NLGN3: variants seen among roughly 807,000 people sequenced by gnomAD.
NLGN3 encodes the protein neuroligin-3.
In NLGN3, 11 loss-of-function variants were observed where a neutral mutation model predicts 42.9. That is an observed-to-expected ratio of 0.26 (90% CI 0.16 to 0.42). The LOEUF is 0.42. Among genes scored for constraint, NLGN3 ranks in the 10% least tolerant of loss-of-function variants. The probability of loss-of-function intolerance (pLI) is 1.00; values close to 1 mark genes in which losing one functional copy is unlikely to be tolerated. For missense variants in NLGN3, 374 were observed against 733.8 expected (o/e 0.51, Z 5.67); for synonymous variants, 279 against 312.7 (o/e 0.89, Z 1.14).
chrX:71,166,713 T>G (rs1358633910), intron 6 of NLGN3, among the ~76,000 whole-genome samples: 1 of 111,349 alleles, frequency 9.0e-6, no homozygotes. Context: ...CAAGGAGAGA[T>G]AAAGAGAGGC....
At chrX:71,151,716 C>T (rs1387346770) in intron 3 of NLGN3, among the ~76,000 whole-genome samples, 1 of 112,243 alleles carries the variant, frequency 8.9e-6, no homozygotes, top group Non-Finnish European at 1.9e-5. Context: ...GAGGGATTCA[C>T]AAGGGACTTA....
intron 5 of NLGN3, among the ~76,000 whole-genome samples, chrX:71,161,701 G>A (rs962133066): frequency 3.6e-5 from 4 of 111,470 alleles, no homozygotes; most frequent in Non-Finnish European, 7.5e-5. Context: ...TTGAACCTGG[G>A]AGGCGGAGGT....
intron 7 of NLGN3, among the ~76,000 whole-genome samples, chrX:71,168,821 A>AAAAGAAAGAAAG (rs201934142): frequency 0.032 from 2,218 of 69,331 alleles, 49 homozygotes; most frequent in East Asian, 0.037. Flanking sequence ...AGAGAAAAAA[A>AAAAGAAAGAAAG]AAAGAAAGAA....
rs2092469893 is a variant in NLGN3 at position 71,171,028 on chromosome X, T to A, written c.*931T>A. The A allele has an allele frequency of 5.3e-6, 4 of 752,019 alleles. No individual in the cohort carries two copies. The highest frequency in any genetic ancestry group is 6.3e-6 in the Non-Finnish European group (4 of 638,741). 62.0% of individuals were successfully genotyped at this position (752,019 alleles called of 1,213,427 possible). ...TCGCCCCATTTTCTTTACAGTCTTT[T>A]GTGTCTGTCATTTCTCTTTCAAAAA... is the stretch of plus-strand genomic sequence containing the variant. On this transcript the variant is annotated 3_prime_UTR_variant, in exon 8 of 8. Transcript: ENST00000358741.
chrX:71,173,057 C>A, downstream of NLGN3, among the ~76,000 whole-genome samples: 1 of 109,435 alleles, frequency 9.1e-6, no homozygotes, highest in Non-Finnish European at 1.9e-5. Flanking sequence ...AGCAATCCTC[C>A]CACCTCGGCC....
At position 71,156,330 on chromosome X, in the gene NLGN3, CACAA is replaced by C. The variant is rs767319452; in HGVS notation, c.727+973_727+976del. ...CTGTCCCTCACTATCTCCTCAGAAA[CACAA>C]ACAAATATTCCCCTTCCCTACACAC... On this transcript the variant is annotated intron_variant, in intron 5 of 7. Coordinates refer to ENST00000358741, the MANE Select transcript of NLGN3 (RefSeq NM_181303.2). Among the ~76,000 whole-genome samples the C allele has an allele frequency of 4.6e-5, 5 of 108,297 alleles. No homozygotes were observed. The East Asian group carries it at 8.8e-4, about 19-fold the overall frequency. 94.0% of individuals were successfully genotyped at this position (108,297 alleles called of 115,157 possible).
At chrX:71,174,462 T>G (rs1465246997), downstream of NLGN3, among the ~76,000 whole-genome samples, 4 of 112,018 alleles carry the variant, frequency 3.6e-5, no homozygotes, top group East Asian at 1.1e-3. Flanking sequence ...TTGATATTGA[T>G]TGAGGGCAAG....
intron 6 of NLGN3, among the ~76,000 whole-genome samples, chrX:71,164,815 G>A (rs1369911003): frequency 9.0e-6 from 1 of 111,299 alleles, no homozygotes; most frequent in Admixed American, 9.5e-5. Context: ...ACTAACCCAC[G>A]AGGTGGGCTT....
intron 6 of NLGN3, among the ~76,000 whole-genome samples, chrX:71,166,034 G>C (rs1199441844): frequency 9.0e-6 from 1 of 111,345 alleles, no homozygotes; most frequent in Non-Finnish European, 1.9e-5. Context: ...GGAATGTTGG[G>C]GCCAGGGAGA....
At chrX:71,168,671 G>A (rs1307298008) in intron 7 of NLGN3, among the ~76,000 whole-genome samples, 3 of 100,211 alleles carry the variant, frequency 3.0e-5, no homozygotes, top group Admixed American at 1.1e-4. Flanking sequence ...GCAGTGAGCC[G>A]AGGTTGCCCC....
intron 5 of NLGN3, among the ~76,000 whole-genome samples, chrX:71,158,231 T>G (rs2092416821): frequency 9.1e-6 from 1 of 110,283 alleles, no homozygotes; most frequent in Non-Finnish European, 1.9e-5. Flanking sequence ...ATTACAGGTG[T>G]GCACCACCAC....
intron 3 of NLGN3, among the ~76,000 whole-genome samples, chrX:71,149,132 C>T (rs1391717914): frequency 9.0e-6 from 1 of 110,650 alleles, no homozygotes; most frequent in Non-Finnish European, 1.9e-5. Context: ...TCCAATCTTC[C>T]CAGCCCCAAA....
intron 5 of NLGN3, among the ~76,000 whole-genome samples, chrX:71,163,257 G>A (rs1406826353): frequency 9.0e-6 from 1 of 111,708 alleles, no homozygotes; most frequent in African/African-American, 3.3e-5. Context: ...AACGCACTGC[G>A]CTACTTCCCC....
intron 5 of NLGN3, among the ~76,000 whole-genome samples, chrX:71,162,880 ACT>A (rs887050897): frequency 8.9e-5 from 10 of 111,763 alleles, no homozygotes; most frequent in Non-Finnish European, 1.9e-4. Flanking sequence ...TGAGCTTTTA[ACT>A]GGGGAGTAAA....
At chrX:71,148,338 G>T (rs747535796) in intron 2 of NLGN3, 132 bp downstream of exon 2, 1 of 536,051 alleles carries the variant, frequency 1.9e-6, no homozygotes, top group East Asian at 3.6e-5. Flanking sequence ...CCATCACTCT[G>T]CTTGGCCTCC....
chrX:71,150,416 G>T (rs936986244), intron 3 of NLGN3, among the ~76,000 whole-genome samples: 2 of 111,743 alleles, frequency 1.8e-5, no homozygotes, highest in African/African-American at 6.5e-5. Context: ...AAACCTGCAG[G>T]AGAGGCCGGG....
In NLGN3 at chrX:71,148,198, C is replaced by T. The variant is rs768259710; in HGVS notation, c.449C>T (p.Thr150Met). ...CTCTACCTGAACGTCTATGTGCCGACGGAGGATGGTGAGTGCTGCGGCCAG... is the reference window on the plus strand; with the variant it reads ...CTCTACCTGAACGTCTATGTGCCGATGGAGGATGGTGAGTGCTGCGGCCAG... ...DCLYLNVYVP[T>M]EDVKRISKEC... Residue 150 changes from threonine to methionine, a missense_variant, in exon 2 of 8, where the codon ACG (threonine) becomes ATG (methionine). Coordinates refer to ENST00000358741, the MANE Select transcript of NLGN3 (RefSeq NM_181303.2). 8.3e-7 allele frequency: 1 copy of T among 1,208,226 alleles called. No individual in the cohort carries two copies. Among genetic ancestry groups the T allele is most frequent in the South Asian group, 1.8e-5 (1 of 56,896 alleles).
intron 5 of NLGN3, among the ~76,000 whole-genome samples, chrX:71,156,875 G>T (rs1170943370): frequency 9.0e-6 from 1 of 111,647 alleles, no homozygotes; most frequent in African/African-American, 3.3e-5. Flanking sequence ...GCACAAGCTT[G>T]TGTCAGTCAT....
chrX:71,157,597 T>A (rs2092414454), intron 5 of NLGN3, among the ~76,000 whole-genome samples: 1 of 111,311 alleles, frequency 9.0e-6, no homozygotes, highest in Admixed American at 9.6e-5. Flanking sequence ...GTGCTGGGAT[T>A]ACAGGCATGA....
Sources: allele counts gnomAD v4.1 joint callset (sites outside exome capture counted in the v4.1 genomes callset), GRCh38; gene constraint gnomAD v4.1.1; transcripts MANE v1.5; gene names NCBI Gene and HGNC (gene_info 2026-07-23, HGNC 2026-07-21).